The following ADAM22 variants were observed in gnomAD, a reference collection of about 807,000 sequenced individuals.
The protein encoded by ADAM22 is disintegrin and metalloproteinase domain-containing protein 22.
In ADAM22, 65 loss-of-function variants were observed where a neutral mutation model predicts 144.6. The observed-to-expected ratio is 0.45, with a 90% CI of 0.37 to 0.55. The LOEUF (loss-of-function observed/expected upper bound fraction) is 0.55, where lower values mean the gene tolerates loss of function less well. Ranked by LOEUF, ADAM22 falls within the 20% of genes least tolerant of loss-of-function variation. The pLI is 0.00. For synonymous variants in ADAM22, 391 were observed against 412.6 expected (o/e 0.95, Z 0.63); for missense variants, 974 against 1,184.9 (o/e 0.82, Z 2.61).
chr7:88,125,575 T>C lies in ADAM22; in HGVS notation c.608-14T>C. 1 of 1,575,614 alleles carries C rather than the reference T, an allele frequency of 6.3e-7. No individual in the cohort carries two copies. The highest frequency in any genetic ancestry group is 1.1e-5 in the South Asian group (1 of 87,296). ...CAAATGCACTAAGTTAAATTAAATT[T>C]AATTTCCTTTTAGAATTTCAGCAAG... On this transcript the variant is annotated splice_polypyrimidine_tract_variant and intron_variant, in intron 7 of 31. Coordinates refer to ENST00000413139, the MANE Select transcript of ADAM22 (RefSeq NM_001324418.2).
chr7:88,109,717 T>G (rs1028407655), intron 5 of ADAM22, among the ~76,000 whole-genome samples: 6 of 151,118 alleles, frequency 4.0e-5, no homozygotes, highest in Non-Finnish European at 5.9e-5. Context: ...TGCTTTTTTT[T>G]TGAGAGAGAG....
intron 2 of ADAM22, among the ~76,000 whole-genome samples, chr7:87,949,904 A>C (rs750191900): frequency 6.7e-6 from 1 of 150,058 alleles, no homozygotes; most frequent in Admixed American, 6.6e-5. Context: ...TATAAATTAT[A>C]ACATTGATTA....
chr7:88,130,273 A>AT (rs200875448), intron 9 of ADAM22, 115 bp from the exon 10 acceptor site: 213,609 of 620,196 alleles, frequency 0.34, 14,850 homozygotes, highest in East Asian at 0.55. Context: ...TACAGAAAAG[A>AT]TTTTTTTTTT....
chr7:88,145,266 T>C, intron 16 of ADAM22, 70 bp downstream of exon 16: 2 of 1,545,576 alleles, frequency 1.3e-6, no homozygotes, highest in Non-Finnish European at 1.8e-6. Context: ...CACACTGAGA[T>C]GTATGGAGCA....
chr7:87,966,749 T>TC (rs1849219442), intron 2 of ADAM22, among the ~76,000 whole-genome samples: 2 of 144,296 alleles, frequency 1.4e-5, no homozygotes, highest in African/African-American at 5.2e-5. Context: ...TTTTTTTTTT[T>TC]TTTGTGGCAT....
chr7:88,185,903 C>T (rs775501791), intron 29 of ADAM22: 1 of 152,216 alleles, frequency 6.6e-6, no homozygotes, highest in Non-Finnish European at 1.5e-5. Flanking sequence ...AACATGAGCA[C>T]TTTATTCTGG....
intron 3 of ADAM22, among the ~76,000 whole-genome samples, chr7:87,997,196 C>G (rs753408639): frequency 7.9e-5 from 12 of 152,068 alleles, no homozygotes; most frequent in African/African-American, 2.9e-4. Context: ...CTTGGTAAAC[C>G]TACTGACCAT....
At chr7:88,127,333 G>A (rs1035165636) in intron 8 of ADAM22, among the ~76,000 whole-genome samples, 1 of 151,846 alleles carries the variant, frequency 6.6e-6, no homozygotes, top group South Asian at 2.1e-4. Flanking sequence ...GACCCATAGA[G>A]GTGAAGTACT....
intron 3 of ADAM22, among the ~76,000 whole-genome samples, chr7:88,018,148 T>C (rs965846315): frequency 1.3e-5 from 2 of 152,200 alleles, no homozygotes; most frequent in Admixed American, 1.3e-4. Context: ...TGTATCCTGT[T>C]TGTGGGCTAA....
chr7:87,998,528 C>G (rs1462417183), intron 3 of ADAM22, among the ~76,000 whole-genome samples: 1 of 152,028 alleles, frequency 6.6e-6, no homozygotes, highest in Non-Finnish European at 1.5e-5. Flanking sequence ...GTAGCTGCGA[C>G]TACAGGTGCA....
At chr7:88,081,495 G>A (rs1303945582) in intron 4 of ADAM22, among the ~76,000 whole-genome samples, 2 of 152,040 alleles carry the variant, frequency 1.3e-5, no homozygotes, top group Non-Finnish European at 1.5e-5. Context: ...GGCTAGGGCA[G>A]TCAGGCAGGA....
chr7:88,054,655 T>C (rs1807703021), intron 3 of ADAM22, among the ~76,000 whole-genome samples: 1 of 145,168 alleles, frequency 6.9e-6, no homozygotes, highest in South Asian at 2.2e-4. Flanking sequence ...ACATGGTCGG[T>C]TTCCCCTGCA....
rs1255086506 is a variant in ADAM22, at chr7:87,964,006, G to A, written c.247-14330G>A. Among the ~76,000 whole-genome samples the A allele has an allele frequency of 3.3e-5, 5 of 152,128 alleles. 1 individual carries two copies. The highest frequency in any genetic ancestry group is 6.5e-5 in the Admixed American group (1 of 15,282). On this transcript the variant is annotated intron_variant, in intron 2 of 31. Transcript: ENST00000413139. ...TAATATATATTTTTTCTTGTAATAA[G>A]ATATATTTCAGAGCTAAGGGTAGTC... is the stretch of plus-strand genomic sequence containing the variant.
At chr7:88,007,107 AACAG>A (rs1265444890) in intron 3 of ADAM22, among the ~76,000 whole-genome samples, 5 of 152,034 alleles carry the variant, frequency 3.3e-5, no homozygotes, top group East Asian at 1.9e-4. Flanking sequence ...ATACACCAAT[AACAG>A]ACAGAGAGTG....
At chr7:87,969,253 T>C (rs1637499) in intron 2 of ADAM22, among the ~76,000 whole-genome samples, 85,951 of 152,018 alleles carry the variant, frequency 0.57, 24,869 homozygotes, top group African/African-American at 0.67. Flanking sequence ...GCGTGCCTTG[T>C]AATTTCCTGA....
At chr7:88,179,272 A>G in intron 27 of ADAM22, 143 bp downstream of exon 27, 1 of 432,936 alleles carries the variant, frequency 2.3e-6, no homozygotes, top group South Asian at 2.8e-5. Context: ...AAACCAAACA[A>G]TAACTCTGAA....
rs80075458 is a variant in ADAM22, at chr7:87,935,077, A to T, written c.137A>T (p.Glu46Val). The change falls in exon 2 of 32, where the codon GAG (glutamate) becomes GTG (valine). Residue 46 changes from glutamate (E) to valine (V), a missense_variant. Glu to Val is a moderately radical substitution (Grantham distance 121). Coordinates refer to ENST00000413139, the MANE Select transcript of ADAM22 (RefSeq NM_001324418.2). ...LEKRKENRFV[E>V]RQSIVPLRLI... ...AAGAGGAAGGAAAACCGCTTCGTGG[A>T]GCGCCAGAGCATCGTGCCACTGCGC... 6.2e-7 allele frequency: 1 copy of T among 1,614,116 alleles called. No individual in the cohort carries two copies. Among genetic ancestry groups the T allele is most frequent in the East Asian group, 2.2e-5 (1 of 44,854 alleles).
At chr7:87,979,008 G>A (rs1011688090) in intron 3 of ADAM22, among the ~76,000 whole-genome samples, 1 of 152,142 alleles carries the variant, frequency 6.6e-6, no homozygotes, top group Non-Finnish European at 1.5e-5. Context: ...TAAGTGTAGT[G>A]TTTAATAAAT....
At chr7:88,166,938 G>T (rs1843084796) in intron 24 of ADAM22, among the ~76,000 whole-genome samples, 1 of 152,136 alleles carries the variant, frequency 6.6e-6, no homozygotes, top group African/African-American at 2.4e-5. Context: ...GCTAGGTCTT[G>T]AAGTAAGAAA....
Sources: gnomAD v4.1 joint callset for allele counts (sites outside exome capture counted in the v4.1 genomes callset) on GRCh38, gnomAD v4.1.1 for gene constraint, MANE v1.5 for transcripts, NCBI Gene and HGNC (gene_info 2026-07-23, HGNC 2026-07-21) for gene names.